CELF2: variants seen among roughly 807,000 people sequenced by gnomAD.
The protein encoded by CELF2 is CUG triplet repeat RNA-binding protein 2.
In CELF2, 8 loss-of-function variants were observed where a neutral mutation model predicts 62.6. The ratio of observed to expected loss-of-function variants is 0.13; its 90% CI spans 0.07 to 0.23. The LOEUF (loss-of-function observed/expected upper bound fraction) is 0.23, where lower values mean the gene tolerates loss of function less well. Ranked by LOEUF, CELF2 falls within the 10% of genes least tolerant of loss-of-function variation. The probability of loss-of-function intolerance (pLI) is 1.00; values close to 1 mark genes in which losing one functional copy is unlikely to be tolerated. For synonymous variants in CELF2, 258 were observed against 250.0 expected, an observed-to-expected ratio of 1.03 and a Z score of -0.30; for missense variants, 333 against 671.0, an observed-to-expected ratio of 0.50 and a Z score of 5.56.
intron 1 of CELF2, among the ~76,000 whole-genome samples, chr10:11,155,788 G>A (rs1031276981): frequency 6.6e-5 from 10 of 152,138 alleles, no homozygotes; most frequent in East Asian, 1.9e-4. Context: ...AGACAGTGGC[G>A]TCCTTAATCT....
At chr10:10,518,717 ATT>A in the CELF2 span, among the ~76,000 whole-genome samples, 29,146 of 145,846 alleles carry the variant, frequency 0.2, 3,209 homozygotes, top group Non-Finnish European at 0.25. Flanking sequence ...CCACAAAATG[ATT>A]TTTTTTTAAA....
At chr10:11,276,641 C>T (rs975784966) in intron 8 of CELF2, among the ~76,000 whole-genome samples, 1 of 152,212 alleles carries the variant, frequency 6.6e-6, no homozygotes, top group African/African-American at 2.4e-5. Context: ...ATAGTATGGA[C>T]TCACCAGGAT....
Position 11,100,036 on chromosome 10 carries a change from A to G in CELF2, c.75-65450A>G, listed in dbSNP as rs541124399. Among the ~76,000 whole-genome samples the G allele has an allele frequency of 1.1e-3, 164 of 151,220 alleles. 2 individuals carry two copies. The highest frequency in any genetic ancestry group is 1.5e-3 in the Non-Finnish European group (101 of 67,714). On this transcript the variant is annotated intron_variant, in intron 1 of 12. Transcript: ENST00000633077. ...GCCAACATGGCGAAACCCCGTCCCT[A>G]CTAAAAAATACAAAAAATAGCCGGG...
intron 2 of CELF2, among the ~76,000 whole-genome samples, chr10:11,203,609 A>G (rs946793185): frequency 2.0e-5 from 3 of 152,166 alleles, no homozygotes; most frequent in Non-Finnish European, 2.9e-5. Context: ...CCATGCCTCC[A>G]CTTCTTTAAC....
In CELF2 at chr10:10,947,621, A is replaced by G. The variant is rs958766902; in HGVS notation, c.89+27622A>G. ...CTCGGTGTCCTCAGTGCCTAGAACA[A>G]TGCCTGGCTTTCAAGTTTACAGAAT... On this transcript the variant is annotated intron_variant, in intron 2 of 13. Transcript: ENST00000636488. The surrounding 1 kb of genome is among the most constrained non-coding windows in gnomAD (Gnocchi z 4.1). 6.6e-6 allele frequency: 1 copy of G among 152,612 alleles called. No individual in the cohort carries two copies. Among genetic ancestry groups the G allele is most frequent in the Non-Finnish European group, 1.5e-5 (1 of 68,044 alleles). 9.5% of individuals were successfully genotyped at this position (152,612 alleles called of 1,614,324 possible). A position where few individuals can be genotyped will look rare whatever the true frequency, so the allele number is the denominator to read the frequency against.
chr10:10,691,660 C>A, the CELF2 span, among the ~76,000 whole-genome samples: 1 of 149,648 alleles, frequency 6.7e-6, no homozygotes, highest in African/African-American at 2.5e-5. Flanking sequence ...ACATCCTCTC[C>A]AGCACCTGTT....
At chr10:10,820,938 G>A (rs2056908686) in intron 1 of CELF2, among the ~76,000 whole-genome samples, 1 of 152,152 alleles carries the variant, frequency 6.6e-6, no homozygotes, top group African/African-American at 2.4e-5. Context: ...AGCATTCTGG[G>A]GGTTATTGTA....
chr10:10,656,532 T>C, the CELF2 span, among the ~76,000 whole-genome samples: 2 of 116,498 alleles, frequency 1.7e-5, no homozygotes, highest in Admixed American at 1.7e-4. Context: ...CATGGAATAC[T>C]ATGCAGCCAT....
chr10:11,093,429 A>T (rs892780020), intron 1 of CELF2, among the ~76,000 whole-genome samples: 1 of 152,204 alleles, frequency 6.6e-6, no homozygotes, highest in East Asian at 1.9e-4. Flanking sequence ...TATGTAAGTC[A>T]ATCTGTGGCA....
the CELF2 span, among the ~76,000 whole-genome samples, chr10:10,717,727 T>C: frequency 2.0e-5 from 3 of 152,168 alleles, no homozygotes; most frequent in African/African-American, 7.2e-5. Context: ...AGAATCAGGG[T>C]CCTTTGGAGG....
intron 1 of CELF2, among the ~76,000 whole-genome samples, chr10:10,876,147 T>C (rs1163458134): frequency 1.3e-5 from 2 of 152,166 alleles, no homozygotes; most frequent in Non-Finnish European, 2.9e-5. Flanking sequence ...AGGCTTATTC[T>C]AATCCCAGGG....
At chr10:10,529,242 T>A in the CELF2 span, among the ~76,000 whole-genome samples, 3 of 152,200 alleles carry the variant, frequency 2.0e-5, no homozygotes, top group African/African-American at 7.2e-5. Flanking sequence ...ATTCTGTCAC[T>A]CTTCCCACAC....
the CELF2 span, among the ~76,000 whole-genome samples, chr10:10,755,127 T>G: frequency 0.16 from 24,853 of 152,114 alleles, 2,464 homozygotes; most frequent in East Asian, 0.29. Flanking sequence ...GGTGGCAAAA[T>G]GCAGGTTTGT....
the CELF2 span, among the ~76,000 whole-genome samples, chr10:10,683,047 T>C: frequency 6.6e-6 from 1 of 152,194 alleles, no homozygotes. Context: ...TTTTCTCTAA[T>C]TTCAAGTATC....
intron 1 of CELF2, among the ~76,000 whole-genome samples, chr10:11,088,251 C>T (rs1272641024): frequency 6.6e-6 from 1 of 152,178 alleles, no homozygotes; most frequent in Admixed American, 6.5e-5. Flanking sequence ...GGGGAAAAGA[C>T]ATGAGAGGCA....
chr10:10,614,213 C>T, the CELF2 span, among the ~76,000 whole-genome samples: 543 of 152,078 alleles, frequency 3.6e-3, 7 homozygotes, highest in African/African-American at 0.013. Context: ...ATGTCTCCTT[C>T]CTCCCCCATT....
the CELF2 span, among the ~76,000 whole-genome samples, chr10:10,593,383 C>T: frequency 6.6e-6 from 1 of 152,208 alleles, no homozygotes; most frequent in East Asian, 1.9e-4. Flanking sequence ...GGTCTCTCAT[C>T]CTCCAGAAAG....
At chr10:10,882,161 A>G (rs544381541) in intron 1 of CELF2, among the ~76,000 whole-genome samples, 1 of 152,184 alleles carries the variant, frequency 6.6e-6, no homozygotes, top group Non-Finnish European at 1.5e-5. Context: ...ATTGGCTTGC[A>G]TCTTGTGACT....
chr10:10,771,241 C>A, the CELF2 span, among the ~76,000 whole-genome samples: 1 of 152,162 alleles, frequency 6.6e-6, no homozygotes, highest in African/African-American at 2.4e-5. Flanking sequence ...GAGACATGAC[C>A]TAAGCAGAGT....
Sources: gnomAD v4.1 joint callset for allele counts (sites outside exome capture counted in the v4.1 genomes callset) on GRCh38, gnomAD v4.1.1 for gene constraint, Gnocchi (gnomAD v3.1) non-coding constraint, MANE v1.5 for transcripts, NCBI Gene and HGNC (gene_info 2026-07-23, HGNC 2026-07-21) for gene names.